Variants in KIAA0319 observed in about 807,000 individuals in gnomAD.
KIAA0319 encodes the protein KIAA0319.
In KIAA0319, 83 loss-of-function variants were observed where a neutral mutation model predicts 108.4. The observed-to-expected ratio is 0.77, with a 90% CI of 0.64 to 0.92. The LOEUF (loss-of-function observed/expected upper bound fraction) is 0.92. Among genes scored for constraint, KIAA0319 ranks in the 40% least tolerant of loss-of-function variants. The probability of loss-of-function intolerance (pLI) is 0.00; values close to 1 mark genes in which losing one functional copy is unlikely to be tolerated. For missense variants in KIAA0319, 1,195 were observed against 1,322.4 expected (o/e 0.90, Z 1.49); for synonymous variants, 484 against 510.4 (o/e 0.95, Z 0.70).
At chr6:24,572,540 AT>A in intron 11 of KIAA0319, 34 bp downstream of exon 11, 7 of 1,601,842 alleles carry the variant, frequency 4.4e-6, no homozygotes, top group Non-Finnish European at 6.0e-6. Context: ...TTCTGCTTTA[AT>A]CTCTGAGGCC....
At chr6:24,552,555 C>T (rs551881815) in intron 19 of KIAA0319, among the ~76,000 whole-genome samples, 17 of 152,302 alleles carry the variant, frequency 1.1e-4, no homozygotes, top group Admixed American at 2.0e-4. Context: ...AACGTAATCA[C>T]AAATAAAACC....
intron 4 of KIAA0319, among the ~76,000 whole-genome samples, chr6:24,584,431 TAAAAAA>T (rs5874993): frequency 1.1e-5 from 1 of 91,270 alleles, no homozygotes; most frequent in African/African-American, 4.6e-5. Flanking sequence ...AGCAAAGATT[TAAAAAA>T]AAAAAAAAAA....
Position 24,559,222 on chromosome 6 carries a change from A to G in KIAA0319, c.2592-67T>C, listed in dbSNP as rs1762756020. 9 of 1,551,446 alleles carry G rather than the reference A, an allele frequency of 5.8e-6. No homozygotes were observed. The South Asian group carries it at 1.1e-4, about 18-fold the overall frequency. On this transcript the variant is annotated intron_variant, in intron 16 of 20. Coordinates refer to ENST00000378214, the MANE Select transcript of KIAA0319 (RefSeq NM_014809.4). ...TGGTGACTACCATGACACGCCCACC[A>G]CAGCATCTGACCTGTGAAACTGGGG... is the stretch of plus-strand genomic sequence containing the variant.
chr6:24,577,071 A>G (rs1765656708), intron 9 of KIAA0319, among the ~76,000 whole-genome samples: 1 of 152,230 alleles, frequency 6.6e-6, no homozygotes, highest in South Asian at 2.1e-4. Flanking sequence ...AAAGATAAAC[A>G]CAGACTTGAT....
intron 1 of KIAA0319, among the ~76,000 whole-genome samples, chr6:24,625,570 C>T (rs936404923): frequency 6.6e-6 from 1 of 152,114 alleles, no homozygotes; most frequent in Non-Finnish European, 1.5e-5. Flanking sequence ...ACTGGAGGTT[C>T]TAGCCAGGCC....
chr6:24,595,950 G>A lies in KIAA0319; in HGVS notation c.724C>T (p.Pro242Ser). 1 of 1,614,148 alleles carries A rather than the reference G, an allele frequency of 6.2e-7. No individual in the cohort carries two copies. Among genetic ancestry groups the A allele is most frequent in the Non-Finnish European group, 8.5e-7 (1 of 1,180,014 alleles). The change falls in exon 3 of 21, where the codon CCA becomes TCA. Residue 242 changes from proline to serine, a missense_variant. By Grantham distance (74) the Pro-to-Ser change is moderately conservative. Transcript: ENST00000378214. ...TTCTCCAACACCTCTCCTGAAGATG[G>A]AGTAGTCGGCAAGGGAAGCAACACA... ...RSVLLPLPTT[P>S]SSGEVLEKEK...
chr6:24,549,198 T>C (rs904825620), intron 20 of KIAA0319, among the ~76,000 whole-genome samples: 2 of 151,764 alleles, frequency 1.3e-5, no homozygotes, highest in Admixed American at 1.3e-4. Context: ...GGTGGACAGG[T>C]GCCTGTAATC....
In KIAA0319 at chr6:24,627,395, T is replaced by C. The variant is rs186487957; in HGVS notation, c.-106+18341A>G. 5.6e-3 allele frequency among the ~76,000 whole-genome samples: 859 copies of C among 152,294 alleles called. 31 individuals are homozygous for C. The highest frequency in any genetic ancestry group is 0.054 in the Admixed American group (822 of 15,304). On this transcript the variant is annotated intron_variant, in intron 1 of 20. Transcript: ENST00000378214. ...AGGACTTAGTGCTCAGTCATAGCCA[T>C]GGAAAGAATGAATTGGGAGGGAAGG...
intron 1 of KIAA0319, among the ~76,000 whole-genome samples, chr6:24,608,382 A>T (rs1265671726): frequency 2.0e-5 from 3 of 152,138 alleles, no homozygotes; most frequent in African/African-American, 7.2e-5. Flanking sequence ...GTGCTGGCAG[A>T]ATTTTTATTT....
chr6:24,579,802 C>T (rs748461562), intron 8 of KIAA0319, 56 bp downstream of exon 8: 10 of 1,387,438 alleles, frequency 7.2e-6, no homozygotes, highest in Non-Finnish European at 1.0e-5. Flanking sequence ...GCACTCATTA[C>T]ATTTCGTAGC....
Position 24,601,105 on chromosome 6 carries a change from G to A in KIAA0319, c.-2C>T. The A allele has an allele frequency of 6.2e-7, 1 of 1,614,156 alleles. No individual in the cohort carries two copies. The highest frequency in any genetic ancestry group is 1.1e-5 in the South Asian group (1 of 91,082). ...GAGCACACCTGTGGGGGGCGCCATT[G>A]TGCACCACACAGTGGGTGATGGCAG... On this transcript the variant is annotated 5_prime_UTR_variant, in exon 2 of 21. Coordinates refer to ENST00000378214, the MANE Select transcript of KIAA0319 (RefSeq NM_014809.4).
intron 1 of KIAA0319, among the ~76,000 whole-genome samples, chr6:24,622,937 G>A (rs1774170929): frequency 6.6e-6 from 1 of 152,106 alleles, no homozygotes; most frequent in South Asian, 2.1e-4. Context: ...TACTCGGGAG[G>A]CTGAGGCAGA....
Position 24,601,170 on chromosome 6 carries a change from C to T in KIAA0319, c.-67G>A, listed in dbSNP as rs569381230. The stretch of plus-strand genomic sequence containing the variant: ...CCTGAAGAGAGTTTGGTGCAAGCTT[C>T]CTTTGATGTTTTTTAGGAGCCAGAT... On this transcript the variant is annotated 5_prime_UTR_variant, in exon 2 of 21. Coordinates refer to ENST00000378214, the MANE Select transcript of KIAA0319 (RefSeq NM_014809.4). The T allele has an allele frequency of 6.3e-4, 991 of 1,582,258 alleles. No homozygotes were observed. The highest frequency in any genetic ancestry group is 6.5e-4 in the Non-Finnish European group (760 of 1,164,108).
At chr6:24,618,224 G>A (rs554855784) in intron 1 of KIAA0319, among the ~76,000 whole-genome samples, 4 of 152,064 alleles carry the variant, frequency 2.6e-5, no homozygotes, top group Non-Finnish European at 5.9e-5. Context: ...AGTTGTCAGT[G>A]CCACAGGTAC....
chr6:24,556,678 C>T lies in KIAA0319; in HGVS notation c.2786G>A (p.Arg929His), dbSNP rs757792302. 56 of 1,613,914 alleles carry T rather than the reference C, an allele frequency of 3.5e-5. No homozygotes were observed. Among genetic ancestry groups the T allele is most frequent in the Admixed American group, 2.0e-4 (12 of 59,994 alleles). Residue 929 changes from arginine (R) to histidine (H), a missense_variant, in exon 18 of 21, where the codon CGC (arginine) becomes CAC (histidine). Transcript: ENST00000378214. ...CATCCATAAGTGAGAGCAAATGCAG[C>T]GCTTTGTGAGGGGGTCGCAGTGACC... is the stretch of plus-strand genomic sequence containing the variant. ...GHGHCDPLTK[R>H]CICSHLWMEN...
Position 24,551,432 on chromosome 6 carries a change from AC to A in KIAA0319, c.3040+1del. The A allele has an allele frequency of 6.3e-7, 1 of 1,598,450 alleles. No homozygotes were observed. The highest frequency in any genetic ancestry group is 8.6e-7 in the Non-Finnish European group (1 of 1,165,550). ...AGGCAGTCATTCTGCAGACTGTCTT[AC>A]CATATTTGGGCCTCAGTTCCATTCT... On this transcript the variant is annotated splice_donor_variant, in intron 20 of 20. Coordinates refer to ENST00000378214, the MANE Select transcript of KIAA0319 (RefSeq NM_014809.4). LOFTEE classifies it high-confidence loss of function.
rs35622777 is a variant in KIAA0319, at chr6:24,624,203, G to GT, written c.-106+21532dup. Among the ~76,000 whole-genome samples, 271 of 92,818 alleles carry GT rather than the reference G, an allele frequency of 2.9e-3. 2 individuals carry two copies. The highest frequency in any genetic ancestry group is 3.7e-3 in the Non-Finnish European group (182 of 48,940). The allele number at this position is 92,818 out of a possible 152,430, so 60.9% of individuals were successfully genotyped here. On this transcript the variant is annotated intron_variant, in intron 1 of 20. Coordinates refer to ENST00000378214, the MANE Select transcript of KIAA0319 (RefSeq NM_014809.4). ...CCACACCTAGCTAATTTTTGGGGTT[G>GT]TTTTTTTTTTTTTTTTTTTGTAGAG...
At chr6:24,584,219 C>A (rs1360369039) in intron 4 of KIAA0319, among the ~76,000 whole-genome samples, 1 of 152,074 alleles carries the variant, frequency 6.6e-6, no homozygotes, top group African/African-American at 2.4e-5. Context: ...ATATAAAAAA[C>A]CTATTTTAAC....
At chr6:24,564,765 G>C (rs1157631506) in intron 14 of KIAA0319, among the ~76,000 whole-genome samples, 4 of 152,160 alleles carry the variant, frequency 2.6e-5, no homozygotes. Context: ...AATAACCCAA[G>C]ACCCTGTGTA....
Sources: allele counts gnomAD v4.1 joint callset (sites outside exome capture counted in the v4.1 genomes callset), GRCh38; gene constraint gnomAD v4.1.1; transcripts MANE v1.5; gene names NCBI Gene and HGNC (gene_info 2026-07-23, HGNC 2026-07-21).